Variants in IQCM observed in about 807,000 individuals in gnomAD.
IQCM encodes IQ domain-containing protein M.
IQCM carries 45 observed loss-of-function variants against 57.6 expected under a neutral mutation model. The observed-to-expected ratio is 0.78, with a 90% confidence interval of 0.62 to 1.00. The LOEUF (loss-of-function observed/expected upper bound fraction) is 1.00. Among genes scored for constraint, IQCM ranks in the 50% least tolerant of loss-of-function variants. IQCM has a pLI of 0.00. For missense variants in IQCM, 468 were observed against 511.6 expected (o/e 0.91, Z 0.82); for synonymous variants, 148 against 158.9 (o/e 0.93, Z 0.51).
At chr4:149,512,196 T>C (rs924882554) in intron 12 of IQCM, among the ~76,000 whole-genome samples, 3 of 152,146 alleles carry the variant, frequency 2.0e-5, no homozygotes, top group South Asian at 2.1e-4. Context: ...GAAATATAAA[T>C]CAAGTACTCT....
At chr4:149,637,363 T>C (rs184514665) in intron 7 of IQCM, among the ~76,000 whole-genome samples, 27 of 152,168 alleles carry the variant, frequency 1.8e-4, no homozygotes, top group East Asian at 7.7e-4. Flanking sequence ...CTATAGAACA[T>C]TGCTGAGAGA....
intron 8 of IQCM, among the ~76,000 whole-genome samples, chr4:149,593,009 T>C (rs1370226462): frequency 3.9e-5 from 6 of 152,196 alleles, no homozygotes; most frequent in African/African-American, 1.4e-4. Flanking sequence ...CATTGGTAGC[T>C]TGATGGGGAT....
At chr4:149,376,626 T>C (rs1730716567) in intron 13 of IQCM, among the ~76,000 whole-genome samples, 1 of 152,192 alleles carries the variant, frequency 6.6e-6, no homozygotes, top group African/African-American at 2.4e-5. Context: ...TATTCACAAA[T>C]GGCACTCACT....
intron 7 of IQCM, among the ~76,000 whole-genome samples, chr4:149,647,339 A>G (rs1758735381): frequency 7.0e-6 from 1 of 141,846 alleles, no homozygotes; most frequent in African/African-American, 2.4e-5. Flanking sequence ...CCTTCTAAGA[A>G]CATTTTTTTT....
At chr4:149,726,099 G>T (rs1383215587) in intron 5 of IQCM, among the ~76,000 whole-genome samples, 1 of 142,576 alleles carries the variant, frequency 7.0e-6, no homozygotes, top group Non-Finnish European at 1.5e-5. Context: ...AAGAAAGAAA[G>T]AAAGAAAGAA....
intron 2 of IQCM, among the ~76,000 whole-genome samples, chr4:149,798,619 A>G (rs1332524562): frequency 6.6e-6 from 1 of 152,078 alleles, no homozygotes; most frequent in Non-Finnish European, 1.5e-5. Context: ...ACCTGTAAAA[A>G]CACACATAGA....
chr4:149,768,299 C>T (rs1344258906), intron 2 of IQCM, among the ~76,000 whole-genome samples: 1 of 152,006 alleles, frequency 6.6e-6, no homozygotes, highest in Admixed American at 6.6e-5. Flanking sequence ...ATAACTTTGC[C>T]CACATCACAC....
intron 2 of IQCM, among the ~76,000 whole-genome samples, chr4:149,782,854 A>T (rs1348174963): frequency 6.6e-6 from 1 of 152,020 alleles, no homozygotes. Flanking sequence ...GGCTCCTAGG[A>T]TTCTACTCTC....
rs149653430 is a variant in IQCM, at chr4:149,458,789, G to T, written c.1229-25232C>A. ...TGAGGAATAGAAAAATTTAGTAATT[G>T]ATTAATAGGTTGCAAGCAGATATAA... On this transcript the variant is annotated intron_variant, in intron 12 of 13. Transcript: ENST00000636793. Among the ~76,000 whole-genome samples, 25 of 152,192 alleles carry T rather than the reference G, an allele frequency of 1.6e-4. No homozygotes were observed. The East Asian group carries it at 4.6e-3, about 28-fold the overall frequency.
chr4:149,637,979 TAAGAA>T (rs1290336537), intron 7 of IQCM, among the ~76,000 whole-genome samples: 1 of 152,086 alleles, frequency 6.6e-6, no homozygotes, highest in Non-Finnish European at 1.5e-5. Context: ...AAACTGCTCA[TAAGAA>T]AAGGCAAGAA....
Position 149,735,285 on chromosome 4 carries a change from C to G in IQCM, c.120+91G>C, listed in dbSNP as rs1227964677. 5.8e-6 allele frequency: 3 copies of G among 521,568 alleles called. No homozygotes were observed. The African/African-American group carries it at 5.9e-5, about 10-fold the overall frequency. 32.3% of individuals were successfully genotyped at this position (521,568 alleles called of 1,614,324 possible). On this transcript the variant is annotated intron_variant, in intron 4 of 13. Coordinates refer to ENST00000636793, the MANE Select transcript of IQCM (RefSeq NM_001363507.2). ...CTATTCTCTTTTCTATTTATTCTAT[C>G]ATATCTTAGGGTTTATGCAATCCTT...
At chr4:149,757,741 A>ATGTGTGTGTG (rs3085133) in intron 2 of IQCM, among the ~76,000 whole-genome samples, 158 of 150,406 alleles carry the variant, frequency 1.1e-3, no homozygotes, top group African/African-American at 3.6e-3. Flanking sequence ...GATATTATAT[A>ATGTGTGTGTG]TGTGTGTGTG....
At chr4:149,410,863 A>G (rs1248771238) in intron 13 of IQCM, among the ~76,000 whole-genome samples, 8 of 152,150 alleles carry the variant, frequency 5.3e-5, no homozygotes, top group Admixed American at 5.2e-4. Context: ...AACAGGATAG[A>G]TGTTATTGAT....
intron 13 of IQCM, among the ~76,000 whole-genome samples, chr4:149,359,385 AG>A (rs1729314870): frequency 6.6e-6 from 1 of 152,200 alleles, no homozygotes; most frequent in Non-Finnish European, 1.5e-5. Flanking sequence ...GTTATAATTT[AG>A]CCTTATATTT....
At chr4:149,396,838 C>A (rs1229341694) in intron 13 of IQCM, among the ~76,000 whole-genome samples, 2 of 151,998 alleles carry the variant, frequency 1.3e-5, no homozygotes, top group African/African-American at 4.8e-5. Flanking sequence ...TGGTTTATTT[C>A]TCTCAGCATA....
At chr4:149,611,433 A>C (rs764763159) in intron 8 of IQCM, among the ~76,000 whole-genome samples, 1 of 152,130 alleles carries the variant, frequency 6.6e-6, no homozygotes, top group Non-Finnish European at 1.5e-5. Context: ...GTATCAACCT[A>C]AAAGTCCATC....
intron 3 of IQCM, among the ~76,000 whole-genome samples, chr4:149,735,708 C>G (rs1298022583): frequency 1.3e-5 from 2 of 152,044 alleles, no homozygotes; most frequent in Admixed American, 1.3e-4. Flanking sequence ...TTAAATGTTA[C>G]TGTATAGAAG....
intron 2 of IQCM, among the ~76,000 whole-genome samples, chr4:149,783,008 T>C (rs1405559423): frequency 2.6e-5 from 4 of 152,182 alleles, no homozygotes; most frequent in Non-Finnish European, 5.9e-5. Context: ...TTCCTACTTC[T>C]TTGGTGATCT....
At chr4:149,371,987 A>C (rs1006501625) in intron 13 of IQCM, among the ~76,000 whole-genome samples, 1 of 152,202 alleles carries the variant, frequency 6.6e-6, no homozygotes, top group Non-Finnish European at 1.5e-5. Context: ...ATCTGAACCA[A>C]TAGTTAAAAA....
Sources: gnomAD v4.1 joint callset for allele counts (sites outside exome capture counted in the v4.1 genomes callset) on GRCh38, gnomAD v4.1.1 for gene constraint, MANE v1.5 for transcripts, NCBI Gene and HGNC (gene_info 2026-07-23, HGNC 2026-07-21) for gene names.